Variants in B4GALT5 observed in about 807,000 individuals in gnomAD.
The protein encoded by B4GALT5 is UDP-Gal:beta-GlcNAc beta-1,4-galactosyltransferase 5.
A neutral mutation model predicts 45.0 loss-of-function variants in B4GALT5; 11 were observed. The ratio of observed to expected loss-of-function variants is 0.24; its 90% CI spans 0.15 to 0.40. The LOEUF (loss-of-function observed/expected upper bound fraction) is 0.40, where lower values mean the gene tolerates loss of function less well. B4GALT5 is among the 10% of genes least tolerant of loss of function. The pLI is 1.00. For missense variants in B4GALT5, 337 were observed against 500.2 expected (o/e 0.67, Z 3.11); for synonymous variants, 185 against 182.9 (o/e 1.01, Z -0.09).
At chr20:49,703,646 T>C (rs1452591736) in intron 1 of B4GALT5, among the ~76,000 whole-genome samples, 2 of 151,768 alleles carry the variant, frequency 1.3e-5, no homozygotes, top group African/African-American at 4.8e-5. Flanking sequence ...CCCAGCACTT[T>C]AGGAGCCCAA....
At chr20:49,654,202 T>G (rs1053009046) in intron 2 of B4GALT5, among the ~76,000 whole-genome samples, 20 of 152,226 alleles carry the variant, frequency 1.3e-4, no homozygotes, top group Admixed American at 1.2e-3. Flanking sequence ...AGCAGGATTT[T>G]GGCAGGGTTT....
At position 49,713,560 on chromosome 20, in the gene B4GALT5, C is replaced by A; in HGVS notation, c.115+16G>T. The A allele has an allele frequency of 6.4e-7, 1 of 1,559,076 alleles. No individual in the cohort carries two copies. Among genetic ancestry groups the A allele is most frequent in the East Asian group, 2.4e-5 (1 of 41,712 alleles). ...GCCAGAGCGGCAGCCGCCGCGGTCC[C>A]AAGCCCCCTTCCTACCTATGCCGGG... On this transcript the variant is annotated intron_variant, in intron 1 of 8. Coordinates refer to ENST00000371711, the MANE Select transcript of B4GALT5 (RefSeq NM_004776.4).
chr20:49,667,545 G>A (rs908431262), intron 1 of B4GALT5, among the ~76,000 whole-genome samples: 4 of 151,224 alleles, frequency 2.6e-5, no homozygotes, highest in East Asian at 2.0e-4. Context: ...GAGCCACCGC[G>A]CCCGGCCTGT....
chr20:49,699,367 CAAAA>C (rs11476698), intron 1 of B4GALT5, among the ~76,000 whole-genome samples: 5 of 93,824 alleles, frequency 5.3e-5, no homozygotes, highest in Non-Finnish European at 1.0e-4. Context: ...CCTAAATGGG[CAAAA>C]AAAAAAAAAA....
At chr20:49,679,685 CAAAAACA>C (rs1911980192) in intron 1 of B4GALT5, among the ~76,000 whole-genome samples, 1 of 150,678 alleles carries the variant, frequency 6.6e-6, no homozygotes, top group African/African-American at 2.4e-5. Flanking sequence ...TCAAAAAAAA[CAAAAACA>C]AAAAACAAAA....
intron 1 of B4GALT5, among the ~76,000 whole-genome samples, chr20:49,660,317 G>C (rs532440195): frequency 1.3e-5 from 2 of 152,276 alleles, no homozygotes; most frequent in African/African-American, 4.8e-5. Context: ...CCCCTTTTTG[G>C]AGATTCACAA....
chr20:49,649,188 G>A (rs2085611120), intron 2 of B4GALT5, among the ~76,000 whole-genome samples: 1 of 148,386 alleles, frequency 6.7e-6, no homozygotes, highest in East Asian at 1.9e-4. Flanking sequence ...TCTTAACAAG[G>A]GAAGGAACAG....
intron 2 of B4GALT5, among the ~76,000 whole-genome samples, chr20:49,654,228 T>A (rs1011130078): frequency 1.3e-5 from 2 of 152,100 alleles, no homozygotes; most frequent in Admixed American, 1.3e-4. Flanking sequence ...AAGAGTCACA[T>A]GATCAAGCTG....
intron 1 of B4GALT5, among the ~76,000 whole-genome samples, chr20:49,664,581 T>C (rs1394117713): frequency 6.6e-6 from 1 of 152,032 alleles, no homozygotes; most frequent in Non-Finnish European, 1.5e-5. Flanking sequence ...ACGCAATACA[T>C]GAACTTTGAC....
chr20:49,644,770 TTACA>T (rs1300451752), intron 3 of B4GALT5, among the ~76,000 whole-genome samples: 1 of 152,194 alleles, frequency 6.6e-6, no homozygotes, highest in Non-Finnish European at 1.5e-5. Flanking sequence ...CCAACACAAC[TTACA>T]TACTTATAAT....
intron 1 of B4GALT5, among the ~76,000 whole-genome samples, chr20:49,703,984 G>A (rs1219093315): frequency 6.6e-6 from 1 of 151,798 alleles, no homozygotes; most frequent in Non-Finnish European, 1.5e-5. Flanking sequence ...GACTTCCTTA[G>A]GTTGGCAATT....
intron 1 of B4GALT5, among the ~76,000 whole-genome samples, chr20:49,698,775 C>T (rs904810628): frequency 7.2e-5 from 11 of 152,130 alleles, no homozygotes; most frequent in Non-Finnish European, 1.2e-4. Context: ...GAGGAAGGCA[C>T]GGGTAGTAGC....
chr20:49,705,970 TG>T (rs1262560806), intron 1 of B4GALT5, among the ~76,000 whole-genome samples: 1 of 148,740 alleles, frequency 6.7e-6, no homozygotes, highest in Non-Finnish European at 1.5e-5. Context: ...ACCTGAGGTC[TG>T]GAGTTAGAGA....
intron 1 of B4GALT5, among the ~76,000 whole-genome samples, chr20:49,662,440 G>A (rs1381735358): frequency 1.3e-5 from 2 of 152,156 alleles, no homozygotes; most frequent in Admixed American, 1.3e-4. Flanking sequence ...GGCTAGAATG[G>A]TGTGTTGGGA....
intron 1 of B4GALT5, among the ~76,000 whole-genome samples, chr20:49,658,457 C>G: frequency 6.6e-6 from 1 of 152,108 alleles, no homozygotes; most frequent in East Asian, 1.9e-4. Context: ...TCCTTTCATC[C>G]CAACATATTA....
intron 2 of B4GALT5, among the ~76,000 whole-genome samples, chr20:49,654,326 G>A (rs955480263): frequency 1.3e-5 from 2 of 152,190 alleles, no homozygotes; most frequent in African/African-American, 4.8e-5. Flanking sequence ...CACATGAGTC[G>A]AGTGAGAATG....
chr20:49,687,385 C>T (rs1479975202), intron 1 of B4GALT5, among the ~76,000 whole-genome samples: 1 of 152,204 alleles, frequency 6.6e-6, no homozygotes, highest in Non-Finnish European at 1.5e-5. Context: ...GTGGCTCATG[C>T]CTGTAATCCC....
intron 1 of B4GALT5, among the ~76,000 whole-genome samples, chr20:49,666,575 T>TAA (rs907790641): frequency 4.6e-5 from 7 of 152,150 alleles, no homozygotes; most frequent in Middle Eastern, 3.2e-3. Context: ...GAAGAGAATC[T>TAA]AAAGAGAAGA....
At chr20:49,690,087 T>C (rs2085803881) in intron 1 of B4GALT5, among the ~76,000 whole-genome samples, 2 of 152,196 alleles carry the variant, frequency 1.3e-5, no homozygotes, top group Non-Finnish European at 2.9e-5. Context: ...TTCTGCAACC[T>C]CTGCCTCCTG....
Sources: allele counts gnomAD v4.1 joint callset (sites outside exome capture counted in the v4.1 genomes callset), GRCh38; gene constraint gnomAD v4.1.1; transcripts MANE v1.5; gene names NCBI Gene and HGNC (gene_info 2026-07-23, HGNC 2026-07-21).